ZRANB1: variants seen among roughly 807,000 people sequenced by gnomAD.
ZRANB1 encodes zinc finger RANBP2-type containing 1, also known as ubiquitin thioesterase ZRANB1.
A neutral mutation model predicts 80.5 loss-of-function variants in ZRANB1; 16 were observed. That is an observed-to-expected ratio of 0.20 (90% CI 0.13 to 0.30). ZRANB1 has a LOEUF of 0.30. Ranked by LOEUF, ZRANB1 falls within the 10% of genes least tolerant of loss-of-function variation. The pLI is 1.00. For missense variants in ZRANB1, 576 were observed against 862.6 expected, an observed-to-expected ratio of 0.67 and a Z score of 4.16; for synonymous variants, 291 against 293.1, an observed-to-expected ratio of 0.99 and a Z score of 0.07.
chr10:124,923,418 C>G, the ZRANB1 span, among the ~76,000 whole-genome samples: 2 of 151,522 alleles, frequency 1.3e-5, no homozygotes, highest in Admixed American at 6.6e-5. Flanking sequence ...ATGGTGAAAC[C>G]GTGTCTCTAC....
Position 124,983,038 on chromosome 10 carries a change from A to C in ZRANB1, c.1549-137A>C, listed in dbSNP as rs989083471. 3.7e-6 allele frequency: 3 copies of C among 817,188 alleles called. No homozygotes were observed. The highest frequency in any genetic ancestry group is 5.5e-6 in the Non-Finnish European group (3 of 541,028). 50.6% of individuals were successfully genotyped at this position (817,188 alleles called of 1,614,324 possible). A position where few individuals can be genotyped will look rare whatever the true frequency, so the allele number is the denominator to read the frequency against. Reference sequence around the variant, plus strand: ...ACTGGATTTATTATTTGAGGAATCAAATGCTGCTTTGACAATCTTTTCTTT... The same window carrying C: ...ACTGGATTTATTATTTGAGGAATCACATGCTGCTTTGACAATCTTTTCTTT... On this transcript the variant is annotated intron_variant, in intron 6 of 8. Coordinates refer to ENST00000359653, the MANE Select transcript of ZRANB1 (RefSeq NM_017580.3). This position sits in a 1 kb window ranked among gnomAD's most constrained non-coding sequence, Gnocchi z 6.2.
At chr10:124,948,305 A>C (rs1951601593) in intron 1 of ZRANB1, among the ~76,000 whole-genome samples, 1 of 152,178 alleles carries the variant, frequency 6.6e-6, no homozygotes, top group Non-Finnish European at 1.5e-5. Context: ...ATATACAAAT[A>C]TGTGTTCGAC....
the ZRANB1 span, among the ~76,000 whole-genome samples, chr10:124,933,573 G>A: frequency 6.6e-6 from 1 of 152,204 alleles, no homozygotes; most frequent in Admixed American, 6.5e-5. Flanking sequence ...GAAAACTGTG[G>A]TCTTTCATCC....
At chr10:124,970,863 A>T (rs1188687483) in intron 2 of ZRANB1, among the ~76,000 whole-genome samples, 9 of 113,560 alleles carry the variant, frequency 7.9e-5, no homozygotes, top group African/African-American at 3.1e-4. Context: ...TTTTTGGCAG[A>T]GTCTCTCTCT....
At chr10:124,952,602 A>G (rs562694951) in intron 1 of ZRANB1, among the ~76,000 whole-genome samples, 1 of 151,760 alleles carries the variant, frequency 6.6e-6, no homozygotes, top group South Asian at 2.1e-4. Context: ...CTTTTTTAAA[A>G]ACAAATAATA....
chr10:124,983,250 G>A lies in ZRANB1; in HGVS notation c.1624G>A (p.Val542Ile). Residue 542 changes from valine to isoleucine, a missense_variant, in exon 7 of 9, where the codon GTA (valine) becomes ATA (isoleucine). This residue lies in a region of ZRANB1 where 152 missense variants were observed against 221.9 expected (regional missense o/e 0.69). Transcript: ENST00000359653. The surrounding 1 kb of genome is among the most constrained non-coding windows in gnomAD (Gnocchi z 6.2). ...ILRRPIIVYG[V>I]KYYKSFRGET... ...TAGACGACCAATTATAGTTTATGGA[G>A]TAAAATATTACAAGAGTTTCCGGGG... 6.2e-7 allele frequency: 1 copy of A among 1,614,088 alleles called. No homozygotes were observed. Among genetic ancestry groups the A allele is most frequent in the South Asian group, 1.1e-5 (1 of 91,070 alleles).
At chr10:124,971,015 G>C (rs1300459418) in intron 2 of ZRANB1, among the ~76,000 whole-genome samples, 1 of 151,762 alleles carries the variant, frequency 6.6e-6, no homozygotes, top group Non-Finnish European at 1.5e-5. Context: ...GTAGAGACAG[G>C]GTTTCATCAT....
At chr10:124,968,430 T>C in intron 2 of ZRANB1, among the ~76,000 whole-genome samples, 1 of 151,250 alleles carries the variant, frequency 6.6e-6, no homozygotes, top group East Asian at 1.9e-4. Context: ...TTTGGTAAGA[T>C]TCCAGTGAAG....
At chr10:124,956,508 G>A (rs1343245184) in intron 1 of ZRANB1, among the ~76,000 whole-genome samples, 3 of 151,576 alleles carry the variant, frequency 2.0e-5, no homozygotes, top group South Asian at 2.1e-4. Flanking sequence ...TTGCTCTGTC[G>A]CCCAGGCTGG....
chr10:124,975,517 A>C (rs761209787), intron 5 of ZRANB1, among the ~76,000 whole-genome samples: 2 of 152,192 alleles, frequency 1.3e-5, no homozygotes, highest in African/African-American at 2.4e-5. Flanking sequence ...TTATATATAT[A>C]TTTTTTAACA....
chr10:124,945,688 A>G (rs1951576362), intron 1 of ZRANB1: 1 of 152,228 alleles, frequency 6.6e-6, no homozygotes, highest in South Asian at 2.1e-4. Context: ...CACACAAGTT[A>G]GATGAATCAA....
At chr10:124,924,040 C>CT in the ZRANB1 span, among the ~76,000 whole-genome samples, 1 of 151,778 alleles carries the variant, frequency 6.6e-6, no homozygotes, top group African/African-American at 2.4e-5. Flanking sequence ...GTTTTTCATC[C>CT]TTTGTCAAGT....
At chr10:124,984,677 T>G in intron 8 of ZRANB1, 97 bp from the exon 9 acceptor site, 68 of 1,264,576 alleles carry the variant, frequency 5.4e-5, no homozygotes, top group Non-Finnish European at 7.0e-5. Context: ...GGCCTTTTCA[T>G]GAGTTAGCAT....
Position 124,974,389 on chromosome 10 carries a change from G to C in ZRANB1, c.1418G>C (p.Cys473Ser). The change falls in exon 5 of 9, where the codon TGT becomes TCT. Residue 473 changes from cysteine to serine, a missense_variant. Physicochemically the swap from Cys to Ser is moderately radical, Grantham distance 112 (BLOSUM62 -1). Coordinates refer to ENST00000359653, the MANE Select transcript of ZRANB1 (RefSeq NM_017580.3). The part of the protein sequence containing the change: ...RKALHDSLHD[C>S]SHWFYTRWKD... ...GCCCTGCATGACAGCCTGCATGACT[G>C]TTCACATTGGTGAGCTGGCATTCTG... 6.2e-7 allele frequency: 1 copy of C among 1,614,230 alleles called. No individual in the cohort carries two copies. Among genetic ancestry groups the C allele is most frequent in the Non-Finnish European group, 8.5e-7 (1 of 1,180,030 alleles).
At chr10:124,917,739 T>C in the ZRANB1 span, among the ~76,000 whole-genome samples, 6 of 152,144 alleles carry the variant, frequency 3.9e-5, no homozygotes, top group South Asian at 2.1e-4. Context: ...TGCGGTGGCC[T>C]CCAGTTGCCA....
At chr10:124,961,328 C>T (rs777192901) in intron 1 of ZRANB1, among the ~76,000 whole-genome samples, 13 of 152,084 alleles carry the variant, frequency 8.5e-5, no homozygotes, top group Non-Finnish European at 1.5e-4. Context: ...TTTTAAGAAC[C>T]GTAATTTCCT....
At chr10:124,958,065 C>T (rs1392741143) in intron 1 of ZRANB1, among the ~76,000 whole-genome samples, 1 of 152,208 alleles carries the variant, frequency 6.6e-6, no homozygotes, top group Non-Finnish European at 1.5e-5. Flanking sequence ...AATAATATTT[C>T]ATTGTATGTG....
chr10:124,922,858 G>GA, the ZRANB1 span, among the ~76,000 whole-genome samples: 2 of 151,924 alleles, frequency 1.3e-5, no homozygotes, highest in Non-Finnish European at 1.5e-5. Flanking sequence ...TTTTAGTAAT[G>GA]AAAAAAATAA....
chr10:124,958,137 A>G (rs992968571), intron 1 of ZRANB1, among the ~76,000 whole-genome samples: 1 of 152,234 alleles, frequency 6.6e-6, no homozygotes, highest in African/African-American at 2.4e-5. Flanking sequence ...TTTTTCACCA[A>G]ATTTAGACAT....
Sources: gnomAD v4.1 joint callset for allele counts (sites outside exome capture counted in the v4.1 genomes callset) on GRCh38, gnomAD v4.1.1 for gene constraint, gnomAD v4.1.1 regional missense constraint, Gnocchi (gnomAD v3.1) non-coding constraint, MANE v1.5 for transcripts, NCBI Gene and HGNC (gene_info 2026-07-23, HGNC 2026-07-21) for gene names.